The following FNBP1 variants were observed in gnomAD, a reference collection of about 807,000 sequenced individuals.
The protein encoded by FNBP1 is formin-binding protein 1.
Under a neutral mutation model 90.6 loss-of-function variants are expected in FNBP1, and 26 were observed. The observed-to-expected ratio is 0.29, with a 90% CI of 0.21 to 0.40. FNBP1 has a LOEUF of 0.40. Among genes scored for constraint, FNBP1 ranks in the 10% least tolerant of loss-of-function variants. The pLI is 1.00. For synonymous variants in FNBP1, 260 were observed against 265.2 expected, an observed-to-expected ratio of 0.98 and a Z score of 0.19; for missense variants, 635 against 768.0, an observed-to-expected ratio of 0.83 and a Z score of 2.05.
At chr9:129,960,806 G>A (rs1006326281) in intron 4 of FNBP1, among the ~76,000 whole-genome samples, 3 of 152,082 alleles carry the variant, frequency 2.0e-5, no homozygotes, top group African/African-American at 7.2e-5. Context: ...CAGGTGGTGA[G>A]AGGGGTCAGG....
intron 2 of FNBP1, among the ~76,000 whole-genome samples, chr9:129,993,096 A>G (rs907360026): frequency 6.6e-6 from 1 of 150,740 alleles, no homozygotes; most frequent in African/African-American, 2.4e-5. Flanking sequence ...GCATGGTGGC[A>G]CAAGCCTGTA....
intron 1 of FNBP1, among the ~76,000 whole-genome samples, chr9:130,025,146 C>T (rs904769304): frequency 6.6e-5 from 10 of 151,916 alleles, no homozygotes; most frequent in African/African-American, 2.2e-4. Context: ...CGCCACTGCA[C>T]TCCAGCCTGG....
At chr9:129,965,689 C>CAG (rs1554821580) in intron 4 of FNBP1, among the ~76,000 whole-genome samples, 2 of 149,990 alleles carry the variant, frequency 1.3e-5, no homozygotes, top group Non-Finnish European at 3.0e-5. Flanking sequence ...TTAAAACACA[C>CAG]ACACACACGC....
At chr9:129,939,673 A>G (rs76033075) in intron 6 of FNBP1, among the ~76,000 whole-genome samples, 1,913 of 152,286 alleles carry the variant, frequency 0.013, 17 homozygotes, top group Middle Eastern at 0.024. Context: ...AGAAATTAAC[A>G]TAAAAATTAG....
chr9:129,999,272 G>C (rs903972823), intron 1 of FNBP1, among the ~76,000 whole-genome samples: 1 of 152,096 alleles, frequency 6.6e-6, no homozygotes, highest in Non-Finnish European at 1.5e-5. Context: ...CATCACGGTG[G>C]TTCTGGGGGC....
the FNBP1 span, among the ~76,000 whole-genome samples, chr9:130,052,504 C>G: frequency 1.1e-3 from 165 of 152,128 alleles, no homozygotes; most frequent in African/African-American, 3.7e-3. Flanking sequence ...ATGATCTTGG[C>G]TTACTGAAAC....
chr9:129,905,564 T>C (rs1423526036), intron 12 of FNBP1, among the ~76,000 whole-genome samples: 2 of 151,876 alleles, frequency 1.3e-5, no homozygotes, highest in African/African-American at 4.8e-5. Context: ...CCCACCTCAG[T>C]CTCCAAAGTG....
chr9:129,939,944 T>A (rs1402932462), intron 6 of FNBP1, among the ~76,000 whole-genome samples: 2 of 152,094 alleles, frequency 1.3e-5, no homozygotes, highest in Non-Finnish European at 2.9e-5. Context: ...CTCACACCTG[T>A]AATCCCAGCA....
At chr9:129,903,072 AC>A (rs2037264947) in intron 12 of FNBP1, 71 bp from the exon 13 acceptor site, 3 of 1,456,988 alleles carry the variant, frequency 2.1e-6, no homozygotes, top group Non-Finnish European at 2.8e-6. Flanking sequence ...CACTCTTGTC[AC>A]CCAGGCTGGA....
At chr9:129,924,882 C>A in intron 9 of FNBP1, 78 bp downstream of exon 9, 1 of 1,238,446 alleles carries the variant, frequency 8.1e-7, no homozygotes, top group East Asian at 2.5e-5. Flanking sequence ...GGTTTAGGAT[C>A]TTAGTTTTTC....
At chr9:129,926,529 A>C (rs1295238767) in intron 8 of FNBP1, among the ~76,000 whole-genome samples, 1 of 152,136 alleles carries the variant, frequency 6.6e-6, no homozygotes, top group Non-Finnish European at 1.5e-5. Context: ...ATGCTGCTAA[A>C]CATTCTGAAA....
intron 1 of FNBP1, among the ~76,000 whole-genome samples, chr9:130,034,031 AG>A (rs1253826733): frequency 7.1e-6 from 1 of 141,372 alleles, no homozygotes; most frequent in Non-Finnish European, 1.5e-5. Flanking sequence ...AAAAAAAAAA[AG>A]TTAGACAGGC....
chr9:129,982,394 C>T (rs1305635166), intron 2 of FNBP1, among the ~76,000 whole-genome samples: 2 of 152,084 alleles, frequency 1.3e-5, no homozygotes, highest in African/African-American at 4.8e-5. Flanking sequence ...TGGCTTGAAC[C>T]TGGGAGGCAG....
chr9:130,023,561 C>T (rs1269836035), intron 1 of FNBP1, among the ~76,000 whole-genome samples: 13 of 152,094 alleles, frequency 8.5e-5, no homozygotes, highest in Admixed American at 8.5e-4. Context: ...GCAGCCTGGC[C>T]GGAGGAGACT....
intron 8 of FNBP1, among the ~76,000 whole-genome samples, chr9:129,926,734 GA>G (rs1178702845): frequency 3.6e-5 from 3 of 83,158 alleles, no homozygotes; most frequent in African/African-American, 9.0e-5. Flanking sequence ...TAAAAATACA[GA>G]AATTAGCTGG....
chr9:129,997,241 T>C (rs772745142), intron 1 of FNBP1, among the ~76,000 whole-genome samples: 6 of 152,132 alleles, frequency 3.9e-5, no homozygotes, highest in African/African-American at 7.2e-5. Flanking sequence ...GGCAGGAGAA[T>C]TGTTTGAACC....
chr9:129,893,612 CAA>C (rs1216398298), intron 16 of FNBP1, among the ~76,000 whole-genome samples: 97 of 22,302 alleles, frequency 4.3e-3, no homozygotes, highest in African/African-American at 0.014. Flanking sequence ...GACTCTGTCT[CAA>C]AAAAAAAAAA....
intron 6 of FNBP1, among the ~76,000 whole-genome samples, chr9:129,955,872 T>C (rs980100167): frequency 1.3e-5 from 2 of 150,818 alleles, no homozygotes; most frequent in Non-Finnish European, 3.0e-5. Flanking sequence ...CATATATGAA[T>C]GATACATACA....
intron 1 of FNBP1, among the ~76,000 whole-genome samples, chr9:130,014,504 G>C (rs768367712): frequency 1.3e-5 from 2 of 151,908 alleles, no homozygotes; most frequent in African/African-American, 4.8e-5. Flanking sequence ...CACCTGCCTC[G>C]GCCCCCCAAA....
Sources: gnomAD v4.1 joint callset for allele counts (sites outside exome capture counted in the v4.1 genomes callset) on GRCh38, gnomAD v4.1.1 for gene constraint, MANE v1.5 for transcripts, NCBI Gene and HGNC (gene_info 2026-07-23, HGNC 2026-07-21) for gene names.